The following PSMA1 variants were observed in gnomAD, a reference collection of about 807,000 sequenced individuals.
The protein encoded by PSMA1 is proteasome 20S subunit alpha 1, also known as proteasome subunit alpha type-1.
A neutral mutation model predicts 38.4 loss-of-function variants in PSMA1; 3 were observed. The ratio of observed to expected loss-of-function variants is 0.08; its 90% CI spans 0.04 to 0.20. PSMA1 has a LOEUF of 0.20. PSMA1 is among the 10% of genes least tolerant of loss of function. The pLI, the probability that PSMA1 is intolerant of heterozygous loss-of-function variation, is 1.00. For missense variants in PSMA1, 227 were observed against 325.3 expected (o/e 0.70, Z 2.32); for synonymous variants, 101 against 107.1 (o/e 0.94, Z 0.35).
chr11:14,598,574 CT>C (rs3053229), intron 2 of PSMA1, among the ~76,000 whole-genome samples: 38 of 144,274 alleles, frequency 2.6e-4, no homozygotes, highest in Middle Eastern at 3.5e-3. Context: ...GCAACCCCTG[CT>C]TTTTTTTTTC....
At chr11:14,602,419 G>A (rs1236789089) in intron 2 of PSMA1, among the ~76,000 whole-genome samples, 1 of 151,940 alleles carries the variant, frequency 6.6e-6, no homozygotes, top group Non-Finnish European at 1.5e-5. Context: ...TCATTGGGTG[G>A]AGAGCTCTGG....
intron 2 of PSMA1, among the ~76,000 whole-genome samples, chr11:14,569,339 A>T (rs1298974979): frequency 1.3e-5 from 2 of 152,072 alleles, no homozygotes; most frequent in Non-Finnish European, 2.9e-5. Flanking sequence ...CAACTGAGGT[A>T]CCAGGTTCAT....
intron 2 of PSMA1, among the ~76,000 whole-genome samples, chr11:14,575,455 T>C (rs573651698): frequency 1.4e-5 from 2 of 146,292 alleles, no homozygotes; most frequent in South Asian, 4.6e-4. Flanking sequence ...TTCCCCACCC[T>C]GTGTCCATGT....
upstream of PSMA1, among the ~76,000 whole-genome samples, chr11:14,524,064 A>G (rs115554622): frequency 0.019 from 2,372 of 126,470 alleles, 70 homozygotes; most frequent in African/African-American, 0.066. Flanking sequence ...AGAATTGCTT[A>G]GGGCCAGGAG....
rs986901521 is a variant in PSMA1 at position 14,545,558 on chromosome 11, C to T, written c.22-26517G>A. 2.0e-4 allele frequency among the ~76,000 whole-genome samples: 30 copies of T among 152,236 alleles called. No individual in the cohort carries two copies. In the East Asian group the frequency reaches 2.5e-3, roughly 13 times the overall value. On this transcript the variant is annotated intron_variant, in intron 2 of 10. Transcript: ENST00000418988. The stretch of plus-strand genomic sequence containing the variant: ...GTTCCCACTTAGAAGTGAGAACATG[C>T]GGTGTTTGGTTTTCTTTTCCTGTGT...
At chr11:14,552,551 A>G (rs968157942) in intron 2 of PSMA1, among the ~76,000 whole-genome samples, 5 of 152,318 alleles carry the variant, frequency 3.3e-5, no homozygotes, top group Non-Finnish European at 5.9e-5. Flanking sequence ...AGATAAGGGC[A>G]AGACAATTAC....
rs190591173 is a variant in PSMA1, at chr11:14,574,699, C to T, written c.21+36267G>A. On this transcript the variant is annotated intron_variant, in intron 2 of 10. Transcript: ENST00000418988. Reference sequence around the variant, plus strand: ...CTTTGGTCAGCACTTCTTTCCCCTGCCACCATGTCAAGAAAGACATGTTTG... The same window carrying T: ...CTTTGGTCAGCACTTCTTTCCCCTGTCACCATGTCAAGAAAGACATGTTTG... 2.2e-3 allele frequency among the ~76,000 whole-genome samples: 330 copies of T among 152,248 alleles called. 2 individuals are homozygous for T. Among genetic ancestry groups the T allele is most frequent in the Non-Finnish European group, 3.9e-3 (268 of 68,022 alleles).
chr11:14,545,882 A>C (rs1216806283), intron 2 of PSMA1, among the ~76,000 whole-genome samples: 2 of 152,188 alleles, frequency 1.3e-5, no homozygotes, highest in African/African-American at 4.8e-5. Context: ...TACACATAGG[A>C]AGAGGTGAAA....
chr11:14,505,350 T>C, intron 9 of PSMA1, 102 bp from the exon 10 acceptor site: 2 of 978,332 alleles, frequency 2.0e-6, no homozygotes, highest in Non-Finnish European at 3.2e-6. Context: ...GAAAAAGGGG[T>C]AAAGAGATAT....
intron 2 of PSMA1, among the ~76,000 whole-genome samples, chr11:14,609,977 G>A (rs939548730): frequency 5.3e-5 from 8 of 152,208 alleles, no homozygotes; most frequent in African/African-American, 1.7e-4. Context: ...CAATGTGATA[G>A]CAGGGGAGGT....
intron 2 of PSMA1, among the ~76,000 whole-genome samples, chr11:14,549,700 CAAAA>C (rs369153742): frequency 2.7e-5 from 2 of 74,468 alleles, no homozygotes; most frequent in Non-Finnish European, 5.9e-5. Context: ...GACTCCATCT[CAAAA>C]AAAAAAAAAA....
intron 2 of PSMA1, among the ~76,000 whole-genome samples, chr11:14,530,393 G>A (rs951515666): frequency 2.0e-5 from 3 of 152,032 alleles, no homozygotes; most frequent in South Asian, 2.1e-4. Flanking sequence ...TATAAAATAC[G>A]AGAATATTGG....
At chr11:14,632,148 A>C (rs1272350576) in intron 1 of PSMA1, among the ~76,000 whole-genome samples, 1 of 143,658 alleles carries the variant, frequency 7.0e-6, no homozygotes, top group Non-Finnish European at 1.5e-5. Flanking sequence ...TTTTAATTGG[A>C]GCATTTAGTC....
intron 2 of PSMA1, among the ~76,000 whole-genome samples, chr11:14,602,708 G>A (rs140595867): frequency 4.9e-4 from 74 of 152,188 alleles, no homozygotes; most frequent in African/African-American, 1.7e-3. Context: ...TGCAGATACT[G>A]GTCTAAAGTG....
chr11:14,585,806 C>A (rs1378696295), intron 2 of PSMA1, among the ~76,000 whole-genome samples: 1 of 152,158 alleles, frequency 6.6e-6, no homozygotes. Context: ...ATCCAGAGAG[C>A]TCTTGAACAG....
At chr11:14,512,700 T>C (rs1851364593) in intron 7 of PSMA1, among the ~76,000 whole-genome samples, 1 of 152,214 alleles carries the variant, frequency 6.6e-6, no homozygotes, top group African/African-American at 2.4e-5. Flanking sequence ...CTCTGGACTG[T>C]ATTTTTCCTT....
At chr11:14,547,885 C>T (rs566865952) in intron 2 of PSMA1, among the ~76,000 whole-genome samples, 1 of 152,180 alleles carries the variant, frequency 6.6e-6, no homozygotes, top group East Asian at 1.9e-4. Flanking sequence ...AGAACTTAAT[C>T]CCTACTTGGC....
chr11:14,535,437 T>C (rs1001291036), intron 2 of PSMA1, among the ~76,000 whole-genome samples: 20 of 151,520 alleles, frequency 1.3e-4, no homozygotes, highest in African/African-American at 4.6e-4. Flanking sequence ...TTTCTTTTTC[T>C]TTCTTTCTTT....
At chr11:14,638,506 C>CCTCTCTCTCTCT (rs374243163) in intron 1 of PSMA1, among the ~76,000 whole-genome samples, 3 of 31,912 alleles carry the variant, frequency 9.4e-5, no homozygotes, top group African/African-American at 3.7e-4. Context: ...GAGAAACACA[C>CCTCTCTCTCTCT]CTCTCTCTCT....
Sources: allele counts gnomAD v4.1 joint callset (sites outside exome capture counted in the v4.1 genomes callset), GRCh38; gene constraint gnomAD v4.1.1; transcripts MANE v1.5; gene names NCBI Gene and HGNC (gene_info 2026-07-23, HGNC 2026-07-21).